The following NMT2 variants were observed in gnomAD, a reference collection of about 807,000 sequenced individuals.
NMT2 encodes N-myristoyltransferase 2, also known as glycylpeptide N-tetradecanoyltransferase 2.
In NMT2, 35 loss-of-function variants were observed where a neutral mutation model predicts 65.4. The observed-to-expected ratio is 0.54, with a 90% CI of 0.41 to 0.71. The LOEUF (loss-of-function observed/expected upper bound fraction) is 0.71. Ranked by LOEUF, NMT2 falls within the 30% of genes least tolerant of loss-of-function variation. The pLI is 0.00. For missense variants in NMT2, 489 were observed against 611.3 expected (o/e 0.80, Z 2.11); for synonymous variants, 226 against 231.8 (o/e 0.98, Z 0.23).
intron 1 of NMT2, among the ~76,000 whole-genome samples, chr10:15,158,452 A>G (rs1833077011): frequency 6.6e-6 from 1 of 152,248 alleles, no homozygotes; most frequent in South Asian, 2.1e-4. Context: ...GAGAAGTAGA[A>G]AAAGAAAAGC....
intron 10 of NMT2, among the ~76,000 whole-genome samples, chr10:15,112,399 T>A (rs1390309274): frequency 1.3e-5 from 2 of 150,444 alleles, no homozygotes; most frequent in Non-Finnish European, 3.0e-5. Context: ...TGGCTAACTT[T>A]TGTATTTTTA....
intron 8 of NMT2, among the ~76,000 whole-genome samples, chr10:15,121,350 G>A (rs924744166): frequency 7.2e-5 from 11 of 152,144 alleles, no homozygotes; most frequent in African/African-American, 2.7e-4. Context: ...ATGCCCCCAG[G>A]TGGAAGCCCA....
chr10:15,128,644 G>A (rs1040693451), intron 7 of NMT2, among the ~76,000 whole-genome samples, 186 bp from the exon 8 acceptor site: 9 of 152,148 alleles, frequency 5.9e-5, no homozygotes, highest in Non-Finnish European at 8.8e-5. Context: ...TTATACTCCA[G>A]TTATGTTCCT....
chr10:15,135,908 CAAAG>C (rs199856817), intron 2 of NMT2, among the ~76,000 whole-genome samples: 1,738 of 147,810 alleles, frequency 0.012, 10 homozygotes, highest in South Asian at 0.041. Flanking sequence ...AGAGAGAAAA[CAAAG>C]AAAGAGAAAG....
chr10:15,108,902 G>T lies in NMT2; in HGVS notation c.*293C>A. Reference sequence around the variant, plus strand: ...ATAGAAAAACAGTCCCTTTTCTAAGGGTGAAAAAATACCTCTTCAAGAGAC... The same window carrying T: ...ATAGAAAAACAGTCCCTTTTCTAAGTGTGAAAAAATACCTCTTCAAGAGAC... On this transcript the variant is annotated 3_prime_UTR_variant, in exon 12 of 12. Transcript: ENST00000378165. The T allele has an allele frequency of 8.6e-7, 1 of 1,165,374 alleles. No individual in the cohort carries two copies. 72.2% of individuals were successfully genotyped at this position (1,165,374 alleles called of 1,614,324 possible). A position where few individuals can be genotyped will look rare whatever the true frequency, so the allele number is the denominator to read the frequency against.
chr10:15,126,506 C>T (rs189598481), intron 8 of NMT2, among the ~76,000 whole-genome samples: 199 of 152,174 alleles, frequency 1.3e-3, no homozygotes, highest in African/African-American at 4.3e-3. Flanking sequence ...TTCTGACTTC[C>T]ATCTTGCCAG....
chr10:15,138,004 C>CTTCT (rs1554823722), intron 2 of NMT2, among the ~76,000 whole-genome samples: 1 of 128,140 alleles, frequency 7.8e-6, no homozygotes, highest in Non-Finnish European at 1.6e-5. Flanking sequence ...TCTTCTTCTT[C>CTTCT]TTTTTTTTTT....
In NMT2 at chr10:15,112,964, C is replaced by G. The variant is rs780074162; in HGVS notation, c.1171-1G>C. 1.2e-6 allele frequency: 2 copies of G among 1,613,972 alleles called. No individual in the cohort carries two copies. The highest frequency in any genetic ancestry group is 1.7e-6 in the Non-Finnish European group (2 of 1,179,942). On this transcript the variant is annotated splice_acceptor_variant, in intron 9 of 11. Coordinates refer to ENST00000378165, the MANE Select transcript of NMT2 (RefSeq NM_004808.3). LOFTEE classifies it high-confidence loss of function. ...AATCAGTCAGTTTACCGTTGGGGCT[C>G]TAGGAGCAAAAGTGCTGTCAGACAG...
chr10:15,116,069 A>T (rs7918717), intron 9 of NMT2, among the ~76,000 whole-genome samples: 2 of 151,988 alleles, frequency 1.3e-5, no homozygotes, highest in Non-Finnish European at 2.9e-5. Context: ...GAATAACTCA[A>T]TTAATCAACA....
intron 1 of NMT2, among the ~76,000 whole-genome samples, chr10:15,144,188 T>C (rs1846876808): frequency 6.6e-6 from 1 of 152,176 alleles, no homozygotes; most frequent in Non-Finnish European, 1.5e-5. Context: ...GAGTTTTTCT[T>C]TTTCTCTCTT....
In NMT2 at chr10:15,134,454, C is replaced by T. The variant is rs75248578; in HGVS notation, c.391+820G>A. On this transcript the variant is annotated intron_variant, in intron 3 of 11. Transcript: ENST00000378165. ...CCTTGGAATTCCCGACAGAAGCTTA[C>T]GCATCACACGTCACTTTCTCCCAGC... 6.4e-3 allele frequency among the ~76,000 whole-genome samples: 977 copies of T among 152,310 alleles called. 23 individuals are homozygous for T. The highest frequency in any genetic ancestry group is 0.06 in the East Asian group (310 of 5,184).
intron 1 of NMT2, among the ~76,000 whole-genome samples, chr10:15,145,839 C>T (rs12217660): frequency 0.11 from 16,325 of 152,172 alleles, 940 homozygotes; most frequent in African/African-American, 0.12. Context: ...CAGGGGTCTG[C>T]GTCCCACAGG....
chr10:15,158,315 CA>C (rs112874536), intron 1 of NMT2, among the ~76,000 whole-genome samples: 23,825 of 110,986 alleles, frequency 0.21, 1,900 homozygotes, highest in Middle Eastern at 0.4. Context: ...TACTCTGTCT[CA>C]AAAAAAAAAA....
intron 1 of NMT2, chr10:15,155,320 T>C (rs1481627305): frequency 9.1e-6 from 11 of 1,207,860 alleles, no homozygotes; most frequent in African/African-American, 1.5e-5. Flanking sequence ...GGGTTGACCA[T>C]GGCTGGTAGT....
chr10:15,112,805 C>T lies in NMT2; in HGVS notation c.1329G>A (p.Leu443=), dbSNP rs372645751. The stretch of plus-strand genomic sequence containing the variant: ...GGAAGGAGTGGCTTACCGATTTAGC[C>T]AGGATGAGCGCGTCGCTCATGAGGT... ...LLDLMSDALI[L]AKSKGFDVFN... The change falls in exon 10 of 12, where the codon CTG becomes CTA. Residue 443 remains leucine, a synonymous_variant. Transcript: ENST00000378165. The T allele has an allele frequency of 6.2e-7, 1 of 1,610,804 alleles. No homozygotes were observed. The highest frequency in any genetic ancestry group is 1.3e-5 in the African/African-American group (1 of 74,652).
intron 1 of NMT2, among the ~76,000 whole-genome samples, chr10:15,154,578 TA>T (rs1832923596): frequency 1.3e-5 from 2 of 152,114 alleles, no homozygotes; most frequent in South Asian, 4.1e-4. Flanking sequence ...ATTTTATGGG[TA>T]GATTATTATT....
intron 9 of NMT2, among the ~76,000 whole-genome samples, chr10:15,117,415 C>G (rs551106173): frequency 6.6e-6 from 1 of 152,192 alleles, no homozygotes; most frequent in Non-Finnish European, 1.5e-5. Context: ...GGAGCACCCA[C>G]AGAAAAACCT....
Position 15,130,728 on chromosome 10 carries a change from GAAAA to G in NMT2, c.720-420_720-417del, listed in dbSNP as rs1404140504. 4.4e-4 allele frequency among the ~76,000 whole-genome samples: 41 copies of G among 93,168 alleles called. No homozygotes were observed. In the South Asian group the frequency reaches 0.01, roughly 23 times the overall value. 61.1% of individuals were successfully genotyped at this position (93,168 alleles called of 152,430 possible). On this transcript the variant is annotated intron_variant, in intron 6 of 11. Transcript: ENST00000378165. Reference sequence around the variant, plus strand: ...CAAAAAAAAAAAAAAAAAAAAAAAAGAAAAGAAAGAAAAAGAAAAAAAAGAACAT... The same window carrying G: ...CAAAAAAAAAAAAAAAAAAAAAAAAGGAAAGAAAAAGAAAAAAAAGAACAT...
chr10:15,112,657 C>A, intron 10 of NMT2, 139 bp downstream of exon 10: 1 of 789,984 alleles, frequency 1.3e-6, no homozygotes, highest in Non-Finnish European at 1.9e-6. Context: ...AAAATTCTTC[C>A]TTTGACTGAT....
Sources: gnomAD v4.1 joint callset for allele counts (sites outside exome capture counted in the v4.1 genomes callset) on GRCh38, gnomAD v4.1.1 for gene constraint, MANE v1.5 for transcripts, NCBI Gene and HGNC (gene_info 2026-07-23, HGNC 2026-07-21) for gene names.